GPATCH2: variants seen among roughly 807,000 people sequenced by gnomAD.
The protein encoded by GPATCH2 is G-patch domain containing 2, also known as G patch domain-containing protein 2.
In GPATCH2, 51 loss-of-function variants were observed where a neutral mutation model predicts 58.0. That is an observed-to-expected ratio of 0.88 (90% CI 0.70 to 1.11). The LOEUF (loss-of-function observed/expected upper bound fraction) is 1.11, where lower values mean the gene tolerates loss of function less well. Among genes scored for constraint, GPATCH2 ranks in the 50% most tolerant of loss-of-function variants. GPATCH2 has a pLI of 0.00. For missense variants in GPATCH2, 625 were observed against 652.2 expected, an observed-to-expected ratio of 0.96 and a Z score of 0.45; for synonymous variants, 222 against 218.5, an observed-to-expected ratio of 1.02 and a Z score of -0.14.
Position 217,601,778 on chromosome 1 carries a change from C to A in GPATCH2, c.1098+8543G>T, listed in dbSNP as rs149504503. Among the ~76,000 whole-genome samples, 3 of 152,216 alleles carry A rather than the reference C, an allele frequency of 2.0e-5. No individual in the cohort carries two copies. In the East Asian group the frequency reaches 5.8e-4, roughly 29 times the overall value. ...TATCCTATAATTCTCTAACACTTAC[C>A]CTGCTTAATTTTCTCCATGTCCATT... On this transcript the variant is annotated intron_variant, in intron 5 of 9. Coordinates refer to ENST00000366935, the MANE Select transcript of GPATCH2 (RefSeq NM_018040.5).
chr1:217,530,399 G>A (rs1390694969), intron 5 of GPATCH2, among the ~76,000 whole-genome samples: 1 of 152,176 alleles, frequency 6.6e-6, no homozygotes, highest in Non-Finnish European at 1.5e-5. Flanking sequence ...CATTTGTAAA[G>A]CACATAGATC....
intron 5 of GPATCH2, among the ~76,000 whole-genome samples, chr1:217,598,490 C>G (rs1166423781): frequency 6.6e-6 from 1 of 151,898 alleles, no homozygotes; most frequent in Non-Finnish European, 1.5e-5. Context: ...GCTCTGTTGC[C>G]CAGGCTGGAT....
intron 2 of GPATCH2, among the ~76,000 whole-genome samples, chr1:217,617,964 T>TA (rs772730491): frequency 3.3e-5 from 5 of 150,856 alleles, no homozygotes; most frequent in African/African-American, 1.2e-4. Context: ...AAAGGAGAAC[T>TA]AAAAAAAAGG....
At chr1:217,547,142 T>C (rs1665095840) in intron 5 of GPATCH2, among the ~76,000 whole-genome samples, 1 of 152,012 alleles carries the variant, frequency 6.6e-6, no homozygotes, top group Non-Finnish European at 1.5e-5. Flanking sequence ...GGCAGGCAGA[T>C]CACGAGGTCA....
intron 8 of GPATCH2, chr1:217,491,476 TA>T (rs1195072779): frequency 2.1e-5 from 5 of 240,592 alleles, no homozygotes; most frequent in African/African-American, 9.1e-5. Flanking sequence ...AAAAATTAAT[TA>T]TTTTTTACAA....
intron 6 of GPATCH2, among the ~76,000 whole-genome samples, chr1:217,507,973 A>G (rs551831392): frequency 3.0e-4 from 45 of 152,266 alleles, no homozygotes; most frequent in African/African-American, 9.1e-4. Context: ...AAAATAAAAT[A>G]CAGTGTACAA....
chr1:217,545,344 G>C (rs1571894341), intron 5 of GPATCH2, among the ~76,000 whole-genome samples: 1 of 152,200 alleles, frequency 6.6e-6, no homozygotes, highest in East Asian at 1.9e-4. Flanking sequence ...CCATATCTCA[G>C]ACTCTGGGAA....
chr1:217,464,530 G>A (rs1482683285), intron 8 of GPATCH2, among the ~76,000 whole-genome samples: 3 of 152,120 alleles, frequency 2.0e-5, no homozygotes, highest in East Asian at 3.9e-4. Context: ...CTGTGGTGTT[G>A]AATTAGTTGG....
intron 5 of GPATCH2, among the ~76,000 whole-genome samples, chr1:217,606,798 T>C (rs1317349590): frequency 6.6e-6 from 1 of 152,152 alleles, no homozygotes; most frequent in African/African-American, 2.4e-5. Flanking sequence ...TGACTCATGA[T>C]ACAAATGTTC....
At chr1:217,591,563 C>T (rs1667592710) in intron 5 of GPATCH2, among the ~76,000 whole-genome samples, 1 of 152,038 alleles carries the variant, frequency 6.6e-6, no homozygotes, top group Admixed American at 6.6e-5. Context: ...TCATAACTTC[C>T]TCTTTTGAAA....
At chr1:217,491,363 G>A (rs1661724664) in intron 8 of GPATCH2, 2 of 156,102 alleles carry the variant, frequency 1.3e-5, no homozygotes, top group African/African-American at 4.8e-5. Flanking sequence ...TGCCACTTAA[G>A]TTTAGGGAAA....
chr1:217,547,840 C>T (rs963292754), intron 5 of GPATCH2, among the ~76,000 whole-genome samples: 16 of 152,034 alleles, frequency 1.1e-4, no homozygotes, highest in African/African-American at 2.2e-4. Flanking sequence ...GGTCTGGCGG[C>T]GGGTGATTGA....
intron 9 of GPATCH2, among the ~76,000 whole-genome samples, chr1:217,433,378 A>T (rs376958802): frequency 1.2e-5 from 1 of 82,042 alleles, no homozygotes; most frequent in African/African-American, 4.6e-5. Flanking sequence ...ATATATATAT[A>T]TATATATTTA....
At chr1:217,626,696 T>C (rs2102857074) in intron 1 of GPATCH2, among the ~76,000 whole-genome samples, 1 of 152,244 alleles carries the variant, frequency 6.6e-6, no homozygotes, top group East Asian at 1.9e-4. Context: ...TAGGAATCTA[T>C]TAAGAGACTA....
intron 5 of GPATCH2, among the ~76,000 whole-genome samples, chr1:217,521,678 G>A (rs1017192121): frequency 2.6e-5 from 4 of 152,172 alleles, no homozygotes; most frequent in African/African-American, 9.7e-5. Context: ...AACACTCCGC[G>A]ATGAGAATAT....
intron 9 of GPATCH2, among the ~76,000 whole-genome samples, chr1:217,442,601 G>T (rs931824516): frequency 2.2e-4 from 34 of 151,808 alleles, no homozygotes; most frequent in African/African-American, 8.3e-4. Flanking sequence ...CCTGGTAAAA[G>T]TATAAATCTA....
At chr1:217,447,720 T>C (rs1485142393) in intron 9 of GPATCH2, among the ~76,000 whole-genome samples, 1 of 152,240 alleles carries the variant, frequency 6.6e-6, no homozygotes, top group African/African-American at 2.4e-5. Flanking sequence ...GTCCCTTATA[T>C]GGAACAACTG....
At chr1:217,495,855 C>T (rs914951924) in intron 7 of GPATCH2, among the ~76,000 whole-genome samples, 9 of 152,148 alleles carry the variant, frequency 5.9e-5, no homozygotes, top group Admixed American at 3.3e-4. Context: ...AAGGCACGAT[C>T]ACTATGTATA....
intron 9 of GPATCH2, among the ~76,000 whole-genome samples, chr1:217,446,978 C>T (rs1392907669): frequency 6.6e-6 from 1 of 152,180 alleles, no homozygotes; most frequent in East Asian, 1.9e-4. Flanking sequence ...TTATTGCTGC[C>T]ACTAAGGTGC....
Sources: allele counts gnomAD v4.1 joint callset (sites outside exome capture counted in the v4.1 genomes callset), GRCh38; gene constraint gnomAD v4.1.1; transcripts MANE v1.5; gene names NCBI Gene and HGNC (gene_info 2026-07-23, HGNC 2026-07-21).